UBE3C: variants seen among roughly 807,000 people sequenced by gnomAD.
UBE3C encodes ubiquitin-protein ligase E3C.
In UBE3C, 42 loss-of-function variants were observed where a neutral mutation model predicts 129.4. The observed-to-expected ratio is 0.32, with a 90% CI of 0.25 to 0.42. The LOEUF is 0.42. Among genes scored for constraint, UBE3C ranks in the 10% least tolerant of loss-of-function variants. UBE3C has a pLI of 1.00. For missense variants in UBE3C, 1,049 were observed against 1,319.1 expected, an observed-to-expected ratio of 0.80 and a Z score of 3.17; for synonymous variants, 510 against 492.4, an observed-to-expected ratio of 1.04 and a Z score of -0.47.
chr7:157,263,064 C>A, intron 22 of UBE3C: 1 of 152,538 alleles, frequency 6.6e-6, no homozygotes. Context: ...TCTGTCCTCC[C>A]AGTTCAGAAT....
intron 4 of UBE3C, among the ~76,000 whole-genome samples, chr7:157,173,353 G>T (rs1480811372): frequency 6.6e-6 from 1 of 152,124 alleles, no homozygotes; most frequent in Non-Finnish European, 1.5e-5. Context: ...TCCAGCCTGG[G>T]CGGTTGAATG....
intron 11 of UBE3C, among the ~76,000 whole-genome samples, chr7:157,203,326 T>G (rs1333106894): frequency 6.6e-6 from 1 of 152,238 alleles, no homozygotes; most frequent in Non-Finnish European, 1.5e-5. Context: ...AAAAGACTCC[T>G]ACAATGATTT....
At chr7:157,238,164 A>G (rs3779598) in intron 18 of UBE3C, among the ~76,000 whole-genome samples, 51,016 of 152,096 alleles carry the variant, frequency 0.34, 11,613 homozygotes, top group African/African-American at 0.64. Context: ...ATGAAGGTAT[A>G]TGGTGTTAAT....
intron 1 of UBE3C, among the ~76,000 whole-genome samples, chr7:157,160,224 G>A (rs1195327492): frequency 6.6e-6 from 1 of 151,924 alleles, no homozygotes; most frequent in African/African-American, 2.4e-5. Flanking sequence ...ACAGGTGCGC[G>A]CCACCACGCC....
chr7:157,213,563 A>G (rs950145886), intron 13 of UBE3C, among the ~76,000 whole-genome samples: 1 of 152,244 alleles, frequency 6.6e-6, no homozygotes, highest in African/African-American at 2.4e-5. Flanking sequence ...TTGGTGCTAG[A>G]TACTTGTAGA....
At chr7:157,204,250 A>T (rs1037003350) in intron 11 of UBE3C, among the ~76,000 whole-genome samples, 5 of 152,128 alleles carry the variant, frequency 3.3e-5, no homozygotes, top group Non-Finnish European at 5.9e-5. Context: ...TAAGTCAAAA[A>T]TAGTTTAACA....
chr7:157,257,458 GA>G (rs1467178071), intron 22 of UBE3C, among the ~76,000 whole-genome samples: 88 of 152,248 alleles, frequency 5.8e-4, no homozygotes, highest in Non-Finnish European at 1.0e-3. Context: ...AATTAATGTT[GA>G]TCTTACGTAA....
intron 6 of UBE3C, among the ~76,000 whole-genome samples, chr7:157,180,248 C>T (rs771775413): frequency 6.6e-6 from 1 of 152,128 alleles, no homozygotes; most frequent in Non-Finnish European, 1.5e-5. Context: ...AGCTTTTTAA[C>T]ATTTGCAACA....
chr7:157,223,218 C>G, intron 15 of UBE3C, 36 bp from the exon 16 acceptor site: 1 of 1,597,104 alleles, frequency 6.3e-7, no homozygotes, highest in Non-Finnish European at 8.6e-7. Flanking sequence ...GGGGAAAGTA[C>G]AAGTGAACTA....
At chr7:157,192,863 TAAAAAA>T (rs35549618) in intron 10 of UBE3C, 1 of 645,300 alleles carries the variant, frequency 1.5e-6, no homozygotes, top group Non-Finnish European at 2.5e-6. Context: ...GACATGAACT[TAAAAAA>T]AAAAAAAAGA....
chr7:157,174,947 A>G lies in UBE3C; in HGVS notation c.371A>G (p.His124Arg), dbSNP rs780509161. Residue 124 changes from histidine (H) to arginine (R), a missense_variant, in exon 5 of 23, where the codon CAC becomes CGC. Physicochemically the swap from His to Arg is conservative, Grantham distance 29. Coordinates refer to ENST00000348165, the MANE Select transcript of UBE3C (RefSeq NM_014671.3). The part of the protein sequence containing the change: ...LIWLYQNLIK[H>R]SSLFVKQLDG... Reference sequence around the variant, plus strand: ...TGGCTGTATCAGAACTTAATTAAACACAGCTCTCTGTTTGTCAAGCAGTTG... The same window carrying G: ...TGGCTGTATCAGAACTTAATTAAACGCAGCTCTCTGTTTGTCAAGCAGTTG... The G allele has an allele frequency of 1.2e-6, 2 of 1,612,586 alleles. No homozygotes were observed. Among genetic ancestry groups the G allele is most frequent in the Non-Finnish European group, 1.7e-6 (2 of 1,179,462 alleles).
chr7:157,236,302 G>A (rs1040434062), intron 18 of UBE3C, among the ~76,000 whole-genome samples: 11 of 152,176 alleles, frequency 7.2e-5, no homozygotes, highest in Admixed American at 5.2e-4. Flanking sequence ...AATATTTATT[G>A]AGGTTAATCC....
At position 157,156,300 on chromosome 7, in the gene UBE3C, C is replaced by T. The variant is rs1161662541; in HGVS notation, c.67-7510C>T. On this transcript the variant is annotated intron_variant, in intron 1 of 22. Transcript: ENST00000348165. ...ACCTCCACTCCTCACACCCCCAGTT[C>T]TTTTTTTTTTTTTTTTTTTTTTTTG... Among the ~76,000 whole-genome samples the T allele has an allele frequency of 6.2e-3, 531 of 85,836 alleles. 2 individuals are homozygous for T. The highest frequency in any genetic ancestry group is 0.023 in the African/African-American group (471 of 20,502). 56.3% of individuals were successfully genotyped at this position (85,836 alleles called of 152,430 possible). A position where few individuals can be genotyped will look rare whatever the true frequency, so the allele number is the denominator to read the frequency against.
At chr7:157,224,464 A>G (rs760072477) in intron 16 of UBE3C, among the ~76,000 whole-genome samples, 29 of 152,116 alleles carry the variant, frequency 1.9e-4, no homozygotes, top group Non-Finnish European at 3.8e-4. Context: ...AAAGTGCTGA[A>G]ATTACAGGCA....
At chr7:157,202,330 C>T (rs191966728) in intron 11 of UBE3C, among the ~76,000 whole-genome samples, 1 of 152,132 alleles carries the variant, frequency 6.6e-6, no homozygotes, top group Non-Finnish European at 1.5e-5. Context: ...CTGACTTAGC[C>T]TAGTACTCTG....
chr7:157,160,874 TTATG>T (rs1398162050), intron 1 of UBE3C, among the ~76,000 whole-genome samples: 2 of 152,218 alleles, frequency 1.3e-5, no homozygotes, highest in Non-Finnish European at 2.9e-5. Flanking sequence ...ATTTGGTTAT[TTATG>T]TAAGTATTGA....
chr7:157,230,424 C>T (rs1465284161), intron 17 of UBE3C, among the ~76,000 whole-genome samples: 1 of 151,040 alleles, frequency 6.6e-6, no homozygotes, highest in South Asian at 2.1e-4. Context: ...AGGCCGGGCA[C>T]GGTGGCTCAC....
At position 157,208,055 on chromosome 7, in the gene UBE3C, C is replaced by CTT. The variant is rs35366316; in HGVS notation, c.1809+156_1809+157dup. The CTT allele has an allele frequency of 8.6e-4, 81 of 93,706 alleles. 29 individuals are homozygous for CTT. The highest frequency in any genetic ancestry group is 1.5e-3 in the Non-Finnish European group (58 of 39,132). 5.8% of individuals were successfully genotyped at this position (93,706 alleles called of 1,614,324 possible). Reference sequence around the variant, plus strand: ...TTCAGACATGTTTTAATTTGCAAGACTTTTTTTTTTTTTTTTTTTTTTTTT... The same window carrying CTT: ...TTCAGACATGTTTTAATTTGCAAGACTTTTTTTTTTTTTTTTTTTTTTTTTTT... On this transcript the variant is annotated intron_variant, in intron 13 of 22. Transcript: ENST00000348165.
At chr7:157,239,102 T>C (rs1179242845) in intron 18 of UBE3C, among the ~76,000 whole-genome samples, 3 of 152,190 alleles carry the variant, frequency 2.0e-5, no homozygotes, top group African/African-American at 7.2e-5. Context: ...GCTGAAAATA[T>C]CCACATCATA....
Sources: allele counts gnomAD v4.1 joint callset (sites outside exome capture counted in the v4.1 genomes callset), GRCh38; gene constraint gnomAD v4.1.1; transcripts MANE v1.5; gene names NCBI Gene and HGNC (gene_info 2026-07-23, HGNC 2026-07-21).